PXDNL: variants seen among roughly 807,000 people sequenced by gnomAD.
The protein encoded by PXDNL is probable oxidoreductase PXDNL.
A neutral mutation model predicts 150.8 loss-of-function variants in PXDNL; 145 were observed. The observed-to-expected ratio is 0.96, with a 90% CI of 0.84 to 1.10. PXDNL has a LOEUF of 1.10. Among genes scored for constraint, PXDNL ranks in the 50% least tolerant of loss-of-function variants. PXDNL has a pLI of 0.00. For missense variants in PXDNL, 2,087 were observed against 1,873.9 expected, an observed-to-expected ratio of 1.11 and a Z score of -2.10; for synonymous variants, 757 against 725.7, an observed-to-expected ratio of 1.04 and a Z score of -0.69.
intron 1 of PXDNL, among the ~76,000 whole-genome samples, chr8:51,773,001 T>C (rs2037315205): frequency 6.6e-6 from 1 of 152,172 alleles, no homozygotes; most frequent in Non-Finnish European, 1.5e-5. Flanking sequence ...ACAACTGTGA[T>C]CTAGAGTTTC....
chr8:51,475,275 C>A, intron 6 of PXDNL, 134 bp from the exon 7 acceptor site: 1 of 789,356 alleles, frequency 1.3e-6, no homozygotes, highest in Non-Finnish European at 2.0e-6. Flanking sequence ...TTCTATTAAC[C>A]AATAAACAGA....
rs928967084 is a variant in PXDNL at position 51,600,438 on chromosome 8, C to A, written c.237-7740G>T. 6.7e-5 allele frequency among the ~76,000 whole-genome samples: 9 copies of A among 134,904 alleles called. No individual in the cohort carries two copies. In the East Asian group the frequency reaches 1.9e-3, roughly 29 times the overall value. 88.5% of individuals were successfully genotyped at this position (134,904 alleles called of 152,430 possible). A position where few individuals can be genotyped will look rare whatever the true frequency, so the allele number is the denominator to read the frequency against. ...ATATCGTTTAGATAATAAATTATAT[C>A]TTATATAAATTATATGGTTTAGATA... On this transcript the variant is annotated intron_variant, in intron 2 of 22. Transcript: ENST00000356297.
chr8:51,670,511 G>A lies in PXDNL; in HGVS notation c.165-15751C>T, dbSNP rs372552548. 1.1e-4 allele frequency among the ~76,000 whole-genome samples: 16 copies of A among 152,196 alleles called. No homozygotes were observed. The South Asian group carries it at 2.9e-3, about 28-fold the overall frequency. ...ATTGTACTGAATATTGTAGGCAATT[G>A]TAATACAATGGTAACTATTTGTGTA... On this transcript the variant is annotated intron_variant, in intron 1 of 22. Transcript: ENST00000356297.
chr8:51,652,456 C>CACAA (rs1313415733), intron 2 of PXDNL, among the ~76,000 whole-genome samples: 3 of 151,032 alleles, frequency 2.0e-5, no homozygotes, highest in African/African-American at 7.3e-5. Context: ...CACACACACA[C>CACAA]ACACAAACAC....
At chr8:51,664,475 C>T (rs1243281417) in intron 1 of PXDNL, among the ~76,000 whole-genome samples, 1 of 152,058 alleles carries the variant, frequency 6.6e-6, no homozygotes, top group Non-Finnish European at 1.5e-5. Flanking sequence ...TCCAAATGCC[C>T]GTGTGCCTGG....
At chr8:51,561,534 T>C (rs574308079) in intron 3 of PXDNL, among the ~76,000 whole-genome samples, 1 of 151,942 alleles carries the variant, frequency 6.6e-6, no homozygotes, top group Non-Finnish European at 1.5e-5. Context: ...TGAATTAATT[T>C]TTTTTTAAAA....
At chr8:51,531,214 T>C (rs1811895600) in intron 4 of PXDNL, among the ~76,000 whole-genome samples, 1 of 152,200 alleles carries the variant, frequency 6.6e-6, no homozygotes, top group South Asian at 2.1e-4. Context: ...CCAAATTGCT[T>C]AACCAAGGAA....
intron 2 of PXDNL, among the ~76,000 whole-genome samples, chr8:51,637,900 C>T (rs978265902): frequency 6.6e-6 from 1 of 152,096 alleles, no homozygotes; most frequent in African/African-American, 2.4e-5. Flanking sequence ...ATATAATTGT[C>T]AGATTCACCA....
intron 1 of PXDNL, among the ~76,000 whole-genome samples, chr8:51,756,193 A>G (rs1198578392): frequency 6.6e-6 from 1 of 152,168 alleles, no homozygotes; most frequent in Non-Finnish European, 1.5e-5. Flanking sequence ...CAGGAGTTCG[A>G]GACCATCCTG....
At chr8:51,704,578 A>G (rs1414930587) in intron 1 of PXDNL, among the ~76,000 whole-genome samples, 2 of 152,196 alleles carry the variant, frequency 1.3e-5, no homozygotes, top group African/African-American at 2.4e-5. Context: ...GAGTGTTTGT[A>G]TCAGTTCAGA....
chr8:51,501,405 T>C (rs929265586), intron 4 of PXDNL, among the ~76,000 whole-genome samples: 2 of 150,172 alleles, frequency 1.3e-5, no homozygotes, highest in African/African-American at 4.9e-5. Context: ...CACTCTCACA[T>C]GCTCAGACTC....
At chr8:51,709,718 G>A (rs1423214797) in intron 1 of PXDNL, among the ~76,000 whole-genome samples, 9 of 152,110 alleles carry the variant, frequency 5.9e-5, no homozygotes, top group African/African-American at 2.2e-4. Flanking sequence ...ATTTTATGTA[G>A]TCATTAAAGT....
intron 17 of PXDNL, among the ~76,000 whole-genome samples, chr8:51,377,255 T>C (rs954383000): frequency 3.4e-5 from 3 of 87,024 alleles, no homozygotes; most frequent in Admixed American, 3.0e-4. Context: ...TTTTTCCTTC[T>C]AGGGGATTTT....
intron 19 of PXDNL, among the ~76,000 whole-genome samples, chr8:51,367,100 CAAAAAAAAAAAAAAA>C (rs58282258): frequency 5.4e-5 from 3 of 55,258 alleles, no homozygotes; most frequent in African/African-American, 1.3e-4. Context: ...ACTCTTGTCT[CAAAAAAAAAAAAAAA>C]AAAAAAAAAA....
intron 12 of PXDNL, among the ~76,000 whole-genome samples, chr8:51,442,879 T>C (rs1456370111): frequency 6.7e-6 from 1 of 148,164 alleles, no homozygotes; most frequent in Non-Finnish European, 1.5e-5. Context: ...TTTTAAAAAA[T>C]ACCTTATGGC....
intron 1 of PXDNL, among the ~76,000 whole-genome samples, chr8:51,737,933 C>G (rs1817072144): frequency 1.3e-5 from 2 of 152,328 alleles, no homozygotes; most frequent in South Asian, 4.1e-4. Flanking sequence ...CCTGCCCACC[C>G]AGGGGCCCCA....
At chr8:51,512,163 G>A (rs1451499309) in intron 4 of PXDNL, among the ~76,000 whole-genome samples, 1 of 152,148 alleles carries the variant, frequency 6.6e-6, no homozygotes, top group African/African-American at 2.4e-5. Context: ...ACAAGTATAG[G>A]GTATTTCAGA....
chr8:51,409,218 C>T lies in PXDNL; in HGVS notation c.2406G>A (p.Met802Ile). 6.4e-7 allele frequency: 1 copy of T among 1,569,498 alleles called. No individual in the cohort carries two copies. Among genetic ancestry groups the T allele is most frequent in the Non-Finnish European group, 8.6e-7 (1 of 1,162,866 alleles). ...AVTPDHSYTR[M>I]LMHWGWFLEH... The stretch of plus-strand genomic sequence containing the variant: ...CTAGAAACCAGCCCCAGTGCATGAG[C>T]ATGCGCGTGTAGCTGTGGTCGGGGG... The change falls in exon 17 of 23, where the codon ATG becomes ATA. Residue 802 changes from methionine to isoleucine, a missense_variant. By Grantham distance (10) the Met-to-Ile change is conservative. Coordinates refer to ENST00000356297, the MANE Select transcript of PXDNL (RefSeq NM_144651.5).
chr8:51,597,801 G>A lies in PXDNL; in HGVS notation c.237-5103C>T, dbSNP rs111506411. Reference sequence around the variant, plus strand: ...GCGATCATAGCTCACCGCAACCTCCGCCTCCTGGGTTCAAGCAATTCTCCT... The same window carrying A: ...GCGATCATAGCTCACCGCAACCTCCACCTCCTGGGTTCAAGCAATTCTCCT... On this transcript the variant is annotated intron_variant, in intron 2 of 22. Transcript: ENST00000356297. Among the ~76,000 whole-genome samples the A allele has an allele frequency of 6.0e-3, 900 of 151,156 alleles. 2 individuals are homozygous for A. The highest frequency in any genetic ancestry group is 0.021 in the African/African-American group (850 of 41,102).
Sources: allele counts gnomAD v4.1 joint callset (sites outside exome capture counted in the v4.1 genomes callset), GRCh38; gene constraint gnomAD v4.1.1; transcripts MANE v1.5; gene names NCBI Gene and HGNC (gene_info 2026-07-23, HGNC 2026-07-21).